The following ARIH1 variants were observed in gnomAD, a reference collection of about 807,000 sequenced individuals.
ARIH1 encodes the protein E3 ubiquitin-protein ligase ARIH1.
Under a neutral mutation model 85.0 loss-of-function variants are expected in ARIH1, and 8 were observed. The ratio of observed to expected loss-of-function variants is 0.09; its 90% CI spans 0.06 to 0.17. The LOEUF (loss-of-function observed/expected upper bound fraction) is 0.17, where lower values mean the gene tolerates loss of function less well. Ranked by LOEUF, ARIH1 falls within the 10% of genes least tolerant of loss-of-function variation. The pLI is 1.00. For synonymous variants in ARIH1, 238 were observed against 253.6 expected, an observed-to-expected ratio of 0.94 and a Z score of 0.59; for missense variants, 311 against 718.1, an observed-to-expected ratio of 0.43 and a Z score of 6.48.
intron 2 of ARIH1, 54 bp from the exon 3 acceptor site, chr15:72,544,766 C>T (rs1299116860): frequency 1.3e-6 from 2 of 1,532,410 alleles, no homozygotes; most frequent in African/African-American, 2.7e-5. Context: ...TTTTGGAGAG[C>T]TCTAACAGTG....
chr15:72,558,572 G>A (rs1352209269), intron 5 of ARIH1, among the ~76,000 whole-genome samples: 1 of 152,210 alleles, frequency 6.6e-6, no homozygotes, highest in East Asian at 1.9e-4. Flanking sequence ...AAAGTGCTAG[G>A]ATTACAGGCG....
At chr15:72,558,522 G>A (rs1343554716) in intron 5 of ARIH1, among the ~76,000 whole-genome samples, 4 of 152,260 alleles carry the variant, frequency 2.6e-5, no homozygotes, top group South Asian at 4.2e-4. Context: ...GGCTGTTCTC[G>A]AACTCCTGAC....
At chr15:72,490,187 A>AC (rs2063853444) in intron 1 of ARIH1, among the ~76,000 whole-genome samples, 1 of 151,050 alleles carries the variant, frequency 6.6e-6, no homozygotes, top group African/African-American at 2.4e-5. Flanking sequence ...ACATAGTGAG[A>AC]CCCCATCTCT....
At chr15:72,554,395 T>C (rs1020261512) in intron 3 of ARIH1, among the ~76,000 whole-genome samples, 4 of 152,068 alleles carry the variant, frequency 2.6e-5, no homozygotes, top group African/African-American at 7.2e-5. Flanking sequence ...AATATTGGCT[T>C]TTTTTTTCCA....
chr15:72,550,668 T>TCA (rs1321904981), intron 3 of ARIH1, among the ~76,000 whole-genome samples: 6 of 152,078 alleles, frequency 3.9e-5, no homozygotes, highest in African/African-American at 1.5e-4. Flanking sequence ...CTGATACACT[T>TCA]CATATATATA....
intron 2 of ARIH1, among the ~76,000 whole-genome samples, chr15:72,530,775 A>C (rs2064053033): frequency 6.6e-6 from 1 of 152,220 alleles, no homozygotes; most frequent in African/African-American, 2.4e-5. Context: ...ATAGTTTAAC[A>C]GCAGACTGGA....
At chr15:72,540,497 T>C (rs1171155072) in intron 2 of ARIH1, among the ~76,000 whole-genome samples, 3 of 152,020 alleles carry the variant, frequency 2.0e-5, no homozygotes, top group Non-Finnish European at 4.4e-5. Context: ...GACCATATAA[T>C]AAATACAGAT....
intron 1 of ARIH1, among the ~76,000 whole-genome samples, chr15:72,513,497 A>T (rs1166691117): frequency 6.6e-6 from 1 of 152,134 alleles, no homozygotes; most frequent in Non-Finnish European, 1.5e-5. Context: ...TTATTTCAAC[A>T]GTTTTATAAG....
chr15:72,503,590 C>T (rs762569993), intron 1 of ARIH1, among the ~76,000 whole-genome samples: 4 of 152,194 alleles, frequency 2.6e-5, no homozygotes, highest in African/African-American at 9.7e-5. Context: ...TTTAACTCCC[C>T]TTTGCTCAGA....
intron 13 of ARIH1, 145 bp from the exon 14 acceptor site, chr15:72,583,063 T>C: frequency 1.7e-6 from 1 of 598,444 alleles, no homozygotes; most frequent in Non-Finnish European, 2.9e-6. Context: ...CATCTAGACC[T>C]GAACATGTGC....
At chr15:72,553,165 A>T (rs1033215302) in intron 3 of ARIH1, among the ~76,000 whole-genome samples, 67 of 151,336 alleles carry the variant, frequency 4.4e-4, no homozygotes, top group African/African-American at 1.6e-3. Flanking sequence ...TCAATTAAAA[A>T]TAATTTAGAG....
At chr15:72,496,955 G>A in intron 1 of ARIH1, 3 of 534,128 alleles carry the variant, frequency 5.6e-6, no homozygotes, top group Non-Finnish European at 7.2e-6. Context: ...TTATTTAAGG[G>A]CACATCATTT....
chr15:72,502,327 C>T (rs1057035397), intron 1 of ARIH1, among the ~76,000 whole-genome samples: 1 of 151,976 alleles, frequency 6.6e-6, no homozygotes, highest in Non-Finnish European at 1.5e-5. Context: ...AATAAATGTG[C>T]AAAGAACAGC....
intron 3 of ARIH1, among the ~76,000 whole-genome samples, chr15:72,550,904 T>G (rs1316694000): frequency 1.3e-5 from 2 of 152,128 alleles, no homozygotes; most frequent in African/African-American, 4.8e-5. Context: ...ACTCCCGACC[T>G]CAGGTGATCC....
chr15:72,518,181 G>C (rs1305161189), intron 2 of ARIH1, 47 bp downstream of exon 2: 1 of 1,502,278 alleles, frequency 6.7e-7, no homozygotes, highest in East Asian at 2.3e-5. Context: ...AACACAGAAA[G>C]CCTATTGAAC....
chr15:72,479,764 C>G (rs1298024571), intron 1 of ARIH1, among the ~76,000 whole-genome samples: 1 of 151,938 alleles, frequency 6.6e-6, no homozygotes, highest in Non-Finnish European at 1.5e-5. Context: ...TTTCTGTTGG[C>G]TGTTGGTTCG....
chr15:72,573,950 A>G (rs994979527), intron 11 of ARIH1, among the ~76,000 whole-genome samples: 3 of 152,142 alleles, frequency 2.0e-5, no homozygotes, highest in African/African-American at 7.2e-5. Context: ...CTAACTTTCT[A>G]TATATTTCTA....
chr15:72,521,069 T>C (rs1351799238), intron 2 of ARIH1, among the ~76,000 whole-genome samples: 1 of 151,994 alleles, frequency 6.6e-6, no homozygotes, highest in Non-Finnish European at 1.5e-5. Flanking sequence ...GGTCTCAAAC[T>C]CCTGGACCCA....
chr15:72,515,899 G>A (rs955572216), intron 1 of ARIH1, among the ~76,000 whole-genome samples: 2 of 152,078 alleles, frequency 1.3e-5, no homozygotes, highest in African/African-American at 4.8e-5. Context: ...GCTCCCAGGG[G>A]CCTTCTTTAT....
Sources: gnomAD v4.1 joint callset for allele counts (sites outside exome capture counted in the v4.1 genomes callset) on GRCh38, gnomAD v4.1.1 for gene constraint, MANE v1.5 for transcripts, NCBI Gene and HGNC (gene_info 2026-07-23, HGNC 2026-07-21) for gene names.